The following GRXCR1 variants were observed in gnomAD, a reference collection of about 807,000 sequenced individuals.
The protein encoded by GRXCR1 is glutaredoxin and cysteine rich domain containing 1.
Under a neutral mutation model 27.3 loss-of-function variants are expected in GRXCR1, and 27 were observed. The ratio of observed to expected loss-of-function variants is 0.99; its 90% CI spans 0.73 to 1.37. The LOEUF (loss-of-function observed/expected upper bound fraction) is 1.37, where lower values mean the gene tolerates loss of function less well. Among genes scored for constraint, GRXCR1 ranks in the 40% most tolerant of loss-of-function variants. The pLI, the probability that GRXCR1 is intolerant of heterozygous loss-of-function variation, is 0.00. For synonymous variants in GRXCR1, 122 were observed against 131.1 expected, an observed-to-expected ratio of 0.93 and a Z score of 0.47; for missense variants, 379 against 354.4, an observed-to-expected ratio of 1.07 and a Z score of -0.56.
intron 1 of GRXCR1, among the ~76,000 whole-genome samples, chr4:42,925,746 A>T (rs1747143368): frequency 6.6e-6 from 1 of 152,000 alleles, no homozygotes; most frequent in African/African-American, 2.4e-5. Context: ...ATAGAGTAAC[A>T]TGGAGAGAAA....
At chr4:43,019,632 A>G (rs1713036994) in intron 2 of GRXCR1, among the ~76,000 whole-genome samples, 1 of 152,158 alleles carries the variant, frequency 6.6e-6, no homozygotes. Flanking sequence ...AGGAGAGAAA[A>G]ATGGAGTAGT....
At chr4:42,897,220 T>C (rs1746366133) in intron 1 of GRXCR1, among the ~76,000 whole-genome samples, 2 of 152,144 alleles carry the variant, frequency 1.3e-5, no homozygotes, top group Admixed American at 1.3e-4. Flanking sequence ...TTCCAAATTC[T>C]CTTAGAGTGG....
intron 1 of GRXCR1, among the ~76,000 whole-genome samples, chr4:42,909,046 CG>C (rs1746659839): frequency 6.6e-6 from 1 of 152,114 alleles, no homozygotes; most frequent in Admixed American, 6.6e-5. Context: ...GACTTACATG[CG>C]GGGATGCCCC....
At chr4:42,921,407 T>C (rs796401635) in intron 1 of GRXCR1, among the ~76,000 whole-genome samples, 7 of 152,228 alleles carry the variant, frequency 4.6e-5, no homozygotes, top group African/African-American at 1.7e-4. Context: ...TCCTTTTTTC[T>C]CTAAGAGTCT....
chr4:42,924,553 C>G (rs1284564969), intron 1 of GRXCR1, among the ~76,000 whole-genome samples: 1 of 152,044 alleles, frequency 6.6e-6, no homozygotes, highest in Non-Finnish European at 1.5e-5. Context: ...TTTCTAGTCA[C>G]AATTTCCTTC....
chr4:42,992,978 T>C (rs1014493268), intron 2 of GRXCR1, among the ~76,000 whole-genome samples: 4 of 152,076 alleles, frequency 2.6e-5, no homozygotes, highest in Admixed American at 6.6e-5. Flanking sequence ...GAAGGCTTTT[T>C]CCCCCCTTCC....
At chr4:42,906,360 G>A (rs1263583656) in intron 1 of GRXCR1, among the ~76,000 whole-genome samples, 1 of 152,106 alleles carries the variant, frequency 6.6e-6, no homozygotes, top group Non-Finnish European at 1.5e-5. Flanking sequence ...TCCCACCACA[G>A]CGCACTTGGC....
At chr4:43,008,102 C>G (rs1021370704) in intron 2 of GRXCR1, among the ~76,000 whole-genome samples, 17 of 151,916 alleles carry the variant, frequency 1.1e-4, no homozygotes, top group African/African-American at 4.1e-4. Flanking sequence ...GGAATAAAAA[C>G]TTTTTAACGT....
intron 1 of GRXCR1, among the ~76,000 whole-genome samples, chr4:42,943,493 T>C (rs1026316496): frequency 7.2e-5 from 11 of 152,058 alleles, no homozygotes; most frequent in African/African-American, 2.4e-4. Flanking sequence ...CTAGAGCTTC[T>C]GAATCAGAAT....
chr4:42,967,432 T>C (rs1288025708), intron 2 of GRXCR1, among the ~76,000 whole-genome samples: 1 of 152,092 alleles, frequency 6.6e-6, no homozygotes, highest in Non-Finnish European at 1.5e-5. Context: ...ATCTATTCTT[T>C]TACTAACTTA....
At chr4:43,007,214 C>A (rs1362483477) in intron 2 of GRXCR1, among the ~76,000 whole-genome samples, 1 of 152,168 alleles carries the variant, frequency 6.6e-6, no homozygotes, top group Non-Finnish European at 1.5e-5. Context: ...GGCAGTTAGA[C>A]CTTCTGGCAT....
At chr4:42,951,618 C>T (rs755311941) in intron 1 of GRXCR1, among the ~76,000 whole-genome samples, 1 of 152,052 alleles carries the variant, frequency 6.6e-6, no homozygotes, top group Non-Finnish European at 1.5e-5. Context: ...ATTTGTATTC[C>T]TTTTGGTATA....
intron 1 of GRXCR1, among the ~76,000 whole-genome samples, chr4:42,945,520 C>T (rs779008460): frequency 3.3e-5 from 5 of 152,096 alleles, no homozygotes; most frequent in Non-Finnish European, 7.3e-5. Flanking sequence ...TACTTATATT[C>T]TCACAGCTTT....
In GRXCR1 at chr4:42,991,473, C is replaced by CATATAT. The variant is rs71648752; in HGVS notation, c.627+28352_627+28357dup. The stretch of plus-strand genomic sequence containing the variant: ...TGCTCTCTCTCTACACACACACATA[C>CATATAT]ATATATATATATATATATCTGTCAT... On this transcript the variant is annotated intron_variant, in intron 2 of 3. Coordinates refer to ENST00000399770, the MANE Select transcript of GRXCR1 (RefSeq NM_001080476.3). Among the ~76,000 whole-genome samples, 150 of 147,818 alleles carry CATATAT rather than the reference C, an allele frequency of 1.0e-3. 1 individual carries two copies. The highest frequency in any genetic ancestry group is 8.4e-3 in the South Asian group (39 of 4,666).
chr4:42,984,260 T>A (rs1595191), intron 2 of GRXCR1, among the ~76,000 whole-genome samples: 58,479 of 152,162 alleles, frequency 0.38, 11,441 homozygotes, highest in African/African-American at 0.45. Context: ...ATCTCTTTTT[T>A]AAATTTCTTT....
At chr4:42,963,217 C>A in intron 2 of GRXCR1, 83 bp downstream of exon 2, 3 of 1,487,044 alleles carry the variant, frequency 2.0e-6, no homozygotes, top group Non-Finnish European at 2.8e-6. Context: ...ACATTTGCAG[C>A]GTAACTACTG....
chr4:42,912,084 C>G (rs12648515), intron 1 of GRXCR1, among the ~76,000 whole-genome samples: 31,543 of 152,024 alleles, frequency 0.21, 3,335 homozygotes, highest in South Asian at 0.32. Flanking sequence ...GGATAATTGA[C>G]ATTTAATGAT....
chr4:42,976,920 C>T (rs1577928422), intron 2 of GRXCR1, among the ~76,000 whole-genome samples: 1 of 151,932 alleles, frequency 6.6e-6, no homozygotes, highest in East Asian at 1.9e-4. Flanking sequence ...TGTACTTATT[C>T]CTTCTGTGTG....
At position 42,963,090 on chromosome 4, in the gene GRXCR1, G is replaced by T. The variant is rs757243306; in HGVS notation, c.583G>T (p.Ala195Ser). ...CGAACGATGCCGACGAGTTTCTGAAGCTCCTTCCCTCCCTGTTGTGTTCAT... is the reference window on the plus strand; with the variant it reads ...CGAACGATGCCGACGAGTTTCTGAATCTCCTTCCCTCCCTGTTGTGTTCAT... Reference protein sequence around the residue: ...LDERCRRVSEAPSLPVVFIDG... With the variant: ...LDERCRRVSESPSLPVVFIDG... Residue 195 changes from alanine (A) to serine (S), a missense_variant, in exon 2 of 4, where the codon GCT (alanine) becomes TCT (serine). Transcript: ENST00000399770. The T allele has an allele frequency of 1.9e-6, 3 of 1,612,676 alleles. No individual in the cohort carries two copies. The African/African-American group carries it at 4.0e-5, about 22-fold the overall frequency.
Sources: allele counts gnomAD v4.1 joint callset (sites outside exome capture counted in the v4.1 genomes callset), GRCh38; gene constraint gnomAD v4.1.1; transcripts MANE v1.5; gene names NCBI Gene and HGNC (gene_info 2026-07-23, HGNC 2026-07-21).